PPP2R2A: variants seen among roughly 807,000 people sequenced by gnomAD.
PPP2R2A encodes serine/threonine-protein phosphatase 2A 55 kDa regulatory subunit B alpha isoform.
In PPP2R2A, 9 loss-of-function variants were observed where a neutral mutation model predicts 53.2. The observed-to-expected ratio is 0.17, with a 90% confidence interval of 0.10 to 0.30. The LOEUF (loss-of-function observed/expected upper bound fraction) is 0.30, where lower values mean the gene tolerates loss of function less well. Among genes scored for constraint, PPP2R2A ranks in the 10% least tolerant of loss-of-function variants. The pLI, the probability that PPP2R2A is intolerant of heterozygous loss-of-function variation, is 1.00. For missense variants in PPP2R2A, 235 were observed against 534.6 expected, an observed-to-expected ratio of 0.44 and a Z score of 5.53; for synonymous variants, 169 against 174.2, an observed-to-expected ratio of 0.97 and a Z score of 0.23.
intron 2 of PPP2R2A, chr8:26,333,648 T>C: frequency 1.5e-6 from 1 of 673,322 alleles, no homozygotes; most frequent in Non-Finnish European, 1.9e-6. Context: ...CATTTATATA[T>C]ACTATTTGTG....
intron 2 of PPP2R2A, among the ~76,000 whole-genome samples, chr8:26,301,056 A>G (rs1385862562): frequency 3.3e-5 from 5 of 152,190 alleles, no homozygotes; most frequent in African/African-American, 1.2e-4. Flanking sequence ...ATAAGTAGAT[A>G]CTGGTGGGAA....
At chr8:26,344,910 G>T (rs903798473) in intron 3 of PPP2R2A, among the ~76,000 whole-genome samples, 1 of 152,090 alleles carries the variant, frequency 6.6e-6, no homozygotes, top group Non-Finnish European at 1.5e-5. Context: ...TGGAATATGC[G>T]CATGTGTACA....
chr8:26,292,815 T>C (rs184254809), intron 1 of PPP2R2A, among the ~76,000 whole-genome samples: 14 of 152,378 alleles, frequency 9.2e-5, no homozygotes, highest in Admixed American at 7.2e-4. Context: ...TTTTCAATCA[T>C]TTCGACCTCA....
rs541247063 is a variant in PPP2R2A at position 26,300,557 on chromosome 8, AAAG to A, written c.82+6820_82+6822del. On this transcript the variant is annotated intron_variant, in intron 2 of 9. Coordinates refer to ENST00000380737, the MANE Select transcript of PPP2R2A (RefSeq NM_002717.4). Reference sequence around the variant, plus strand: ...CATAAGGTGCTTCCTCAGCAGACAGAAAGAAAAGTAAAAGCTGGCGGGGCGCGG... The same window carrying A: ...CATAAGGTGCTTCCTCAGCAGACAGAAAAAGTAAAAGCTGGCGGGGCGCGG... Among the ~76,000 whole-genome samples, 3 of 152,250 alleles carry A rather than the reference AAAG, an allele frequency of 2.0e-5. No individual in the cohort carries two copies. The East Asian group carries it at 5.8e-4, about 29-fold the overall frequency.
chr8:26,367,174 T>C (rs560429718), intron 9 of PPP2R2A, among the ~76,000 whole-genome samples: 2 of 152,228 alleles, frequency 1.3e-5, no homozygotes, highest in Non-Finnish European at 2.9e-5. Flanking sequence ...ATAGAATGTT[T>C]TCTTTCATCT....
chr8:26,353,770 G>A (rs1657589039), intron 3 of PPP2R2A, among the ~76,000 whole-genome samples: 1 of 152,136 alleles, frequency 6.6e-6, no homozygotes, highest in Non-Finnish European at 1.5e-5. Flanking sequence ...AGTCATCAGT[G>A]TGTGCCAGGT....
chr8:26,298,919 G>T (rs1563280974), intron 2 of PPP2R2A, among the ~76,000 whole-genome samples: 1 of 152,148 alleles, frequency 6.6e-6, no homozygotes, highest in East Asian at 1.9e-4. Flanking sequence ...TTTACTTGTG[G>T]AAATAAATTA....
chr8:26,293,681 A>G lies in PPP2R2A; in HGVS notation c.23A>G (p.Asn8Ser), dbSNP rs558207652. 8 of 1,612,876 alleles carry G rather than the reference A, an allele frequency of 5.0e-6. No homozygotes were observed. In the Admixed American group the frequency reaches 1.0e-4, roughly 20 times the overall value. ...CTTTTTCCAGGAGCTGGAGGAGGGAATGATATTCAGTGGTGTTTTTCTCAG... is the reference window on the plus strand; with the variant it reads ...CTTTTTCCAGGAGCTGGAGGAGGGAGTGATATTCAGTGGTGTTTTTCTCAG... MAGAGGG[N>S]DIQWCFSQVK... The change falls in exon 2 of 10, where the codon AAT becomes AGT. Residue 8 changes from asparagine to serine, a missense_variant. Physicochemically the swap from Asn to Ser is conservative, Grantham distance 46 (BLOSUM62 1). Around this residue, in one of 3 missense-constraint regions of PPP2R2A, gnomAD observed 51 missense variants for 80.6 expected, o/e 0.63. Transcript: ENST00000380737.
At chr8:26,361,198 G>A in intron 6 of PPP2R2A, 47 bp downstream of exon 6, 1 of 1,482,926 alleles carries the variant, frequency 6.7e-7, no homozygotes, top group South Asian at 1.4e-5. Context: ...GGCATGTTGT[G>A]CCCATATTAG....
At position 26,362,939 on chromosome 8, in the gene PPP2R2A, A is replaced by G. The variant is rs1563325528; in HGVS notation, c.802+91A>G. The G allele has an allele frequency of 2.3e-6, 3 of 1,299,828 alleles. No individual in the cohort carries two copies. Among genetic ancestry groups the G allele is most frequent in the Non-Finnish European group, 3.2e-6 (3 of 936,084 alleles). The allele number at this position is 1,299,828 out of a possible 1,614,324, so 80.5% of individuals were successfully genotyped here. ...ATGATAAGTACAATTACAGAGGTTC[A>G]AAGTCTTAAACCCGTGTGTCCAGAG... On this transcript the variant is annotated intron_variant, in intron 7 of 9. Transcript: ENST00000380737. The surrounding 1 kb of genome is among the most constrained non-coding windows in gnomAD (Gnocchi z 4.4).
chr8:26,322,775 T>A (rs1459859506), intron 2 of PPP2R2A, among the ~76,000 whole-genome samples: 1 of 152,160 alleles, frequency 6.6e-6, no homozygotes, highest in Non-Finnish European at 1.5e-5. Context: ...TAAGCCAAAC[T>A]TCAGACCGTC....
At chr8:26,318,520 G>T (rs186567783) in intron 2 of PPP2R2A, among the ~76,000 whole-genome samples, 1 of 152,296 alleles carries the variant, frequency 6.6e-6, no homozygotes, top group African/African-American at 2.4e-5. Context: ...AATTGTGGAA[G>T]CTCTGTGATA....
At chr8:26,335,652 A>C (rs1332378970) in intron 2 of PPP2R2A, among the ~76,000 whole-genome samples, 1 of 152,226 alleles carries the variant, frequency 6.6e-6, no homozygotes, top group Non-Finnish European at 1.5e-5. Context: ...TTAAAATCTA[A>C]AAATTGGTAA....
At chr8:26,302,528 A>G (rs1226930872) in intron 2 of PPP2R2A, among the ~76,000 whole-genome samples, 4 of 152,244 alleles carry the variant, frequency 2.6e-5, no homozygotes, top group South Asian at 2.1e-4. Context: ...TTAATGTGAC[A>G]GACTACCGAT....
chr8:26,337,493 C>T (rs532523850), intron 2 of PPP2R2A, among the ~76,000 whole-genome samples: 1 of 152,206 alleles, frequency 6.6e-6, no homozygotes, highest in East Asian at 1.9e-4. Context: ...GCTTTAAGTG[C>T]AGGGACTTTG....
chr8:26,347,420 T>G (rs1219507014), intron 3 of PPP2R2A, among the ~76,000 whole-genome samples: 2 of 149,056 alleles, frequency 1.3e-5, no homozygotes, highest in Non-Finnish European at 3.0e-5. Flanking sequence ...ATGGAGGGTT[T>G]TTTTTTTTTT....
At chr8:26,349,845 T>G (rs1265854404) in intron 3 of PPP2R2A, among the ~76,000 whole-genome samples, 1 of 152,212 alleles carries the variant, frequency 6.6e-6, no homozygotes, top group African/African-American at 2.4e-5. Context: ...ACATTCTTAC[T>G]CATGTTTTTT....
chr8:26,351,964 ATGCCTGT>A (rs1321974643), intron 3 of PPP2R2A, among the ~76,000 whole-genome samples: 1 of 152,316 alleles, frequency 6.6e-6, no homozygotes, highest in Admixed American at 6.5e-5. Flanking sequence ...TCTTTATTGA[ATGCCTGT>A]TATATGTGCC....
At chr8:26,351,642 A>C (rs995784226) in intron 3 of PPP2R2A, among the ~76,000 whole-genome samples, 4 of 152,164 alleles carry the variant, frequency 2.6e-5, no homozygotes, top group African/African-American at 9.7e-5. Flanking sequence ...GTCGAGCTTC[A>C]TTTTATTTCC....
Sources: allele counts gnomAD v4.1 joint callset (sites outside exome capture counted in the v4.1 genomes callset), GRCh38; gene constraint gnomAD v4.1.1; regional missense constraint gnomAD v4.1.1; non-coding constraint Gnocchi (gnomAD v3.1); transcripts MANE v1.5; gene names NCBI Gene and HGNC (gene_info 2026-07-23, HGNC 2026-07-21).